PTGFR: variants seen among roughly 807,000 people sequenced by gnomAD.
PTGFR encodes the protein prostaglandin F receptor.
Under a neutral mutation model 26.2 loss-of-function variants are expected in PTGFR, and 15 were observed. The ratio of observed to expected loss-of-function variants is 0.57; its 90% CI spans 0.38 to 0.88. PTGFR has a LOEUF of 0.88. PTGFR is among the 40% of genes least tolerant of loss of function. The probability of loss-of-function intolerance (pLI) is 0.00; values close to 1 mark genes in which losing one functional copy is unlikely to be tolerated. For missense variants in PTGFR, 369 were observed against 427.2 expected (o/e 0.86, Z 1.20); for synonymous variants, 165 against 151.1 (o/e 1.09, Z -0.68).
intron 2 of PTGFR, 55 bp from the exon 3 acceptor site, chr1:78,536,346 TAAAAA>T: frequency 6.7e-7 from 1 of 1,492,990 alleles, no homozygotes; most frequent in Admixed American, 2.2e-5. Context: ...GCTAATTTTT[TAAAAA>T]TTATAGGATT....
intron 2 of PTGFR, among the ~76,000 whole-genome samples, chr1:78,500,154 C>T (rs992265596): frequency 2.6e-4 from 40 of 152,160 alleles, no homozygotes; most frequent in African/African-American, 9.6e-4. Context: ...TTGCATGTTC[C>T]TTGTCATAAA....
At chr1:78,524,481 C>CA (rs1290548900) in intron 2 of PTGFR, among the ~76,000 whole-genome samples, 3 of 151,930 alleles carry the variant, frequency 2.0e-5, no homozygotes, top group Non-Finnish European at 2.9e-5. Context: ...TGTAAGTCAG[C>CA]AAAAAATTTA....
chr1:78,511,804 A>G (rs898295388), intron 2 of PTGFR, among the ~76,000 whole-genome samples: 1 of 152,176 alleles, frequency 6.6e-6, no homozygotes, highest in African/African-American at 2.4e-5. Context: ...CCTTTTAAAT[A>G]TAAGTTCCAA....
chr1:78,502,888 T>A (rs1257359230), intron 2 of PTGFR, among the ~76,000 whole-genome samples: 1 of 152,136 alleles, frequency 6.6e-6, no homozygotes, highest in African/African-American at 2.4e-5. Context: ...GAAACTGAAA[T>A]ATAACGATTC....
rs41305846 is a variant in PTGFR, at chr1:78,539,654, T to G, written c.*2967T>G. ...AGATTAAATAGTGATATGTATATTT[T>G]GTTGTTTGCTTTGGTATGCAACTCA... On this transcript the variant is annotated 3_prime_UTR_variant, in exon 3 of 3. Transcript: ENST00000370757. The G allele has an allele frequency of 0.017, 2,640 of 152,666 alleles. 39 individuals carry two copies. Among genetic ancestry groups the G allele is most frequent in the South Asian group, 0.022 (106 of 4,824 alleles). 9.5% of individuals were successfully genotyped at this position (152,666 alleles called of 1,614,324 possible).
At chr1:78,510,712 A>G (rs1170450587) in intron 2 of PTGFR, among the ~76,000 whole-genome samples, 2 of 152,146 alleles carry the variant, frequency 1.3e-5, no homozygotes, top group African/African-American at 4.8e-5. Flanking sequence ...AGTACTGCTC[A>G]AAAGTCTCAA....
chr1:78,499,615 G>A (rs1322933), intron 2 of PTGFR, among the ~76,000 whole-genome samples: 33,159 of 152,152 alleles, frequency 0.22, 3,787 homozygotes, highest in Non-Finnish European at 0.24. Flanking sequence ...TGTGATTTGA[G>A]CTGGAGAGGT....
chr1:78,527,033 A>G (rs761796070), intron 2 of PTGFR, among the ~76,000 whole-genome samples: 47 of 152,114 alleles, frequency 3.1e-4, no homozygotes, highest in Non-Finnish European at 5.3e-4. Flanking sequence ...TTATTTGTAT[A>G]CATTACCACA....
intron 2 of PTGFR, among the ~76,000 whole-genome samples, chr1:78,533,902 C>A (rs1052633093): frequency 2.6e-5 from 4 of 152,078 alleles, no homozygotes; most frequent in African/African-American, 4.8e-5. Context: ...CATTGTATTA[C>A]CAGCCTATTT....
intron 2 of PTGFR, among the ~76,000 whole-genome samples, chr1:78,513,878 C>A (rs117212621): frequency 6.6e-6 from 1 of 152,246 alleles, no homozygotes; most frequent in African/African-American, 2.4e-5. Flanking sequence ...AGATCTTGGC[C>A]ACTGCCAAGT....
chr1:78,506,305 A>G (rs1451065438), intron 2 of PTGFR, among the ~76,000 whole-genome samples: 1 of 151,858 alleles, frequency 6.6e-6, no homozygotes, highest in Non-Finnish European at 1.5e-5. Flanking sequence ...GCATCTTTTA[A>G]TGTGCTTGTT....
At position 78,510,326 on chromosome 1, in the gene PTGFR, G is replaced by A. The variant is rs114050473; in HGVS notation, c.798+16785G>A. Among the ~76,000 whole-genome samples, 975 of 152,304 alleles carry A rather than the reference G, an allele frequency of 6.4e-3. 14 individuals are homozygous for A. Among genetic ancestry groups the A allele is most frequent in the African/African-American group, 0.023 (951 of 41,562 alleles). ...CTGCAGGTTGTAGAGAAAGCATGTT[G>A]CTGGCATCGTCTCAGCTTCTGTTGA... On this transcript the variant is annotated intron_variant, in intron 2 of 2. Coordinates refer to ENST00000370757, the MANE Select transcript of PTGFR (RefSeq NM_000959.4).
chr1:78,496,721 C>G (rs1649561770), intron 2 of PTGFR, among the ~76,000 whole-genome samples: 1 of 152,158 alleles, frequency 6.6e-6, no homozygotes, highest in Admixed American at 6.5e-5. Context: ...TTTGTCAAAG[C>G]TGATACTTTA....
intron 2 of PTGFR, among the ~76,000 whole-genome samples, chr1:78,499,591 G>A (rs1032160325): frequency 1.3e-5 from 2 of 152,184 alleles, no homozygotes; most frequent in African/African-American, 4.8e-5. Flanking sequence ...GGGAATACCT[G>A]TAGTACTTTG....
At chr1:78,509,876 C>T (rs1649924130) in intron 2 of PTGFR, among the ~76,000 whole-genome samples, 1 of 152,146 alleles carries the variant, frequency 6.6e-6, no homozygotes, top group Non-Finnish European at 1.5e-5. Flanking sequence ...ACCTATTTTA[C>T]CTATATCAAC....
chr1:78,537,310 T>G lies in PTGFR; in HGVS notation c.*623T>G, dbSNP rs891800405. ...GTCATATTTGACAAATAGGACTGCCTACATTTATTATTATGAAGGTCGATT... is the reference window on the plus strand; with the variant it reads ...GTCATATTTGACAAATAGGACTGCCGACATTTATTATTATGAAGGTCGATT... On this transcript the variant is annotated 3_prime_UTR_variant, in exon 3 of 3. Coordinates refer to ENST00000370757, the MANE Select transcript of PTGFR (RefSeq NM_000959.4). 2 of 152,124 alleles carry G rather than the reference T, an allele frequency of 1.3e-5. No individual in the cohort carries two copies. The highest frequency in any genetic ancestry group is 4.8e-5 in the African/African-American group (2 of 41,448). The allele number at this position is 152,124 out of a possible 1,614,324, so 9.4% of individuals were successfully genotyped here. A position where few individuals can be genotyped will look rare whatever the true frequency, so the allele number is the denominator to read the frequency against.
intron 2 of PTGFR, among the ~76,000 whole-genome samples, chr1:78,518,953 A>T (rs779236804): frequency 3.1e-4 from 47 of 152,020 alleles, no homozygotes; most frequent in Admixed American, 6.6e-4. Flanking sequence ...GTGCTTAACT[A>T]CTCTTCAGCT....
intron 1 of PTGFR, among the ~76,000 whole-genome samples, chr1:78,491,950 G>A (rs890988431): frequency 6.6e-6 from 1 of 152,040 alleles, no homozygotes; most frequent in African/African-American, 2.4e-5. Flanking sequence ...CTACTCTGAA[G>A]CTGTAACTGG....
At chr1:78,494,326 G>T (rs570090500) in intron 2 of PTGFR, among the ~76,000 whole-genome samples, 11 of 152,250 alleles carry the variant, frequency 7.2e-5, no homozygotes, top group African/African-American at 2.6e-4. Flanking sequence ...GCTTTATAAT[G>T]TAAGAAGTGA....
Sources: gnomAD v4.1 joint callset for allele counts (sites outside exome capture counted in the v4.1 genomes callset) on GRCh38, gnomAD v4.1.1 for gene constraint, MANE v1.5 for transcripts, NCBI Gene and HGNC (gene_info 2026-07-23, HGNC 2026-07-21) for gene names.